MSRB1: variants seen among roughly 807,000 people sequenced by gnomAD.
The protein encoded by MSRB1 is methionine-R-sulfoxide reductase B1.
MSRB1 carries 13 observed loss-of-function variants against 15.2 expected under a neutral mutation model. That is an observed-to-expected ratio of 0.86 (90% CI 0.56 to 1.36). The LOEUF (loss-of-function observed/expected upper bound fraction) is 1.36, where lower values mean the gene tolerates loss of function less well. Among genes scored for constraint, MSRB1 ranks in the 40% most tolerant of loss-of-function variants. The pLI is 0.00. For synonymous variants in MSRB1, 68 were observed against 64.5 expected (o/e 1.05, Z -0.26); for missense variants, 174 against 155.9 (o/e 1.12, Z -0.62).
In MSRB1 at chr16:1,939,092, G is replaced by T; in HGVS notation, c.*20C>A. The T allele has an allele frequency of 6.2e-7, 1 of 1,613,064 alleles. No individual in the cohort carries two copies. The highest frequency in any genetic ancestry group is 1.1e-5 in the South Asian group (1 of 91,034). On this transcript the variant is annotated 3_prime_UTR_variant, in exon 4 of 4. Transcript: ENST00000361871. ...TGGCCTCAGTGTGGTGGCCGTCTGG[G>T]GTGGGTGTGGGCTGCCCGCCTAGTG...
Sources: allele counts gnomAD v4.1 joint callset, GRCh38; gene constraint gnomAD v4.1.1; transcripts MANE v1.5; gene names NCBI Gene and HGNC (gene_info 2026-07-23, HGNC 2026-07-21).